Variants in NOC3L observed in about 807,000 individuals in gnomAD.
NOC3L encodes NOC3 like DNA replication regulator, also known as nucleolar complex protein 3 homolog.
In NOC3L, 85 loss-of-function variants were observed where a neutral mutation model predicts 102.5. The observed-to-expected ratio is 0.83, with a 90% CI of 0.70 to 0.99. NOC3L has a LOEUF of 0.99. Ranked by LOEUF, NOC3L falls within the 50% of genes least tolerant of loss-of-function variation. The probability of loss-of-function intolerance (pLI) is 0.00; values close to 1 mark genes in which losing one functional copy is unlikely to be tolerated. For synonymous variants in NOC3L, 303 were observed against 309.4 expected (o/e 0.98, Z 0.22); for missense variants, 878 against 914.9 (o/e 0.96, Z 0.52).
intron 7 of NOC3L, 123 bp from the exon 8 acceptor site, chr10:94,352,526 G>A (rs978826672): frequency 1.1e-5 from 7 of 662,664 alleles, no homozygotes; most frequent in East Asian, 8.3e-5. Flanking sequence ...AACAAAAAAC[G>A]CGGCAGTCGT....
rs917737764 is a variant in NOC3L at position 94,337,827 on chromosome 10, A to T, written c.2139T>A (p.Ala713=). The part of the protein sequence containing the change: ...IVQRFAAHLI[A]GAPSEGSGAL... ...CTCCAGAGCCTTCAGAAGGTGCTCC[A>T]GCGATCAGGTGGGCTGCAAATCTCT... is the stretch of plus-strand genomic sequence containing the variant. The change falls in exon 19 of 21, where the codon GCT becomes GCA. Residue 713 remains alanine (A), a synonymous_variant. Transcript: ENST00000371361. 1 of 1,614,078 alleles carries T rather than the reference A, an allele frequency of 6.2e-7. No individual in the cohort carries two copies. Among genetic ancestry groups the T allele is most frequent in the African/African-American group, 1.3e-5 (1 of 75,048 alleles).
chr10:94,355,061 T>C lies in NOC3L; in HGVS notation c.598A>G (p.Ile200Val), dbSNP rs372269619. The C allele has an allele frequency of 1.9e-5, 31 of 1,612,496 alleles. No homozygotes were observed. The highest frequency in any genetic ancestry group is 1.7e-4 in the Middle Eastern group (1 of 6,058). ...TTTCTCTCAATCAAATGTTCTTCTA[T>C]GGTCAGCTCTTGAATAGGATCTTCA... The part of the protein sequence containing the change: ...IIEDPIQELT[I>V]EEHLIERKKK... The change falls in exon 6 of 21, where the codon ATA becomes GTA. Residue 200 changes from isoleucine (I) to valine (V), a missense_variant. Ile to Val is a conservative substitution (Grantham distance 29, BLOSUM62 3). Coordinates refer to ENST00000371361, the MANE Select transcript of NOC3L (RefSeq NM_022451.11).
chr10:94,316,409 T>G, the NOC3L span: 1 of 653,846 alleles, frequency 1.5e-6, no homozygotes, highest in African/African-American at 1.8e-5. Flanking sequence ...AATTCTTAGA[T>G]CTTCCAAAAA....
chr10:94,350,077 T>G, intron 9 of NOC3L, 36 bp downstream of exon 9: 1 of 1,607,682 alleles, frequency 6.2e-7, no homozygotes, highest in Non-Finnish European at 8.5e-7. Context: ...TATAATTTTC[T>G]AAGGAGGACA....
the NOC3L span, among the ~76,000 whole-genome samples, chr10:94,319,864 C>CTTTTT: frequency 2.0e-3 from 184 of 92,914 alleles, 10 homozygotes; most frequent in African/African-American, 5.7e-3. Context: ...CAAAGGTGCT[C>CTTTTT]TTTTTTTTTT....
intron 18 of NOC3L, 57 bp from the exon 19 acceptor site, chr10:94,337,931 C>T (rs2054241744): frequency 8.0e-7 from 1 of 1,251,218 alleles, no homozygotes; most frequent in African/African-American, 1.5e-5. Flanking sequence ...ACAAAAAACA[C>T]TAGCCACAGC....
At position 94,346,504 on chromosome 10, in the gene NOC3L, T is replaced by A; in HGVS notation, c.1310A>T (p.Asp437Val). ...LRIKEVEVKK[D>V]TEDINKPKKF... is the part of the protein sequence containing the mutation. ...TTTTGGTTTATTAATGTCTTCTGTA[T>A]CTTTTTTCACTTCTACTTCCTTGAT... The change falls in exon 11 of 21, where the codon GAT becomes GTT. Residue 437 changes from aspartate to valine, a missense_variant. By Grantham distance (152) the Asp-to-Val change is radical. Coordinates refer to ENST00000371361, the MANE Select transcript of NOC3L (RefSeq NM_022451.11). 1 of 1,477,032 alleles carries A rather than the reference T, an allele frequency of 6.8e-7. No individual in the cohort carries two copies. The highest frequency in any genetic ancestry group is 9.1e-7 in the Non-Finnish European group (1 of 1,097,098). The allele number at this position is 1,477,032 out of a possible 1,614,324, so 91.5% of individuals were successfully genotyped here.
the NOC3L span, among the ~76,000 whole-genome samples, chr10:94,322,318 A>G: frequency 6.6e-6 from 1 of 151,740 alleles, no homozygotes; most frequent in Non-Finnish European, 1.5e-5. Flanking sequence ...TGGCCACTGC[A>G]CTGCAGCCTG....
rs2054466724 is a variant in NOC3L, at chr10:94,355,012, A to G, written c.647T>C (p.Met216Thr). ...ERKKKLQEKK[M>T]HIAALASAIL... is the part of the protein sequence containing the mutation. ...GGCAGATGCCAAGGCTGCAATATGCATCTTCTTCTCCTGTAATTTCTTCTT... is the reference window on the plus strand; with the variant it reads ...GGCAGATGCCAAGGCTGCAATATGCGTCTTCTTCTCCTGTAATTTCTTCTT... The change falls in exon 6 of 21, where the codon ATG (methionine) becomes ACG (threonine). Residue 216 changes from methionine (M) to threonine (T), a missense_variant. Physicochemically the swap from Met to Thr is moderately conservative, Grantham distance 81. Transcript: ENST00000371361. The G allele has an allele frequency of 1.2e-6, 2 of 1,613,190 alleles. No homozygotes were observed. The highest frequency in any genetic ancestry group is 8.5e-7 in the Non-Finnish European group (1 of 1,179,626).
chr10:94,332,835 T>G (rs1261888196), downstream of NOC3L: 3 of 152,340 alleles, frequency 2.0e-5, no homozygotes, highest in East Asian at 5.8e-4. Flanking sequence ...TGGTCACTTG[T>G]GCTCTGATGG....
chr10:94,339,662 G>A, intron 17 of NOC3L, 77 bp downstream of exon 17: 2 of 1,106,650 alleles, frequency 1.8e-6, no homozygotes, highest in Non-Finnish European at 2.6e-6. Context: ...TATAAAAGGG[G>A]GGAAAAGACA....
At chr10:94,362,155 A>C (rs564122357) in intron 1 of NOC3L, among the ~76,000 whole-genome samples, 1 of 152,338 alleles carries the variant, frequency 6.6e-6, no homozygotes, top group African/African-American at 2.4e-5. Context: ...ATTCAAGGCT[A>C]GTTTAACACA....
At chr10:94,320,371 A>G in the NOC3L span, among the ~76,000 whole-genome samples, 253 of 152,316 alleles carry the variant, frequency 1.7e-3, 2 homozygotes, top group Non-Finnish European at 2.4e-3. Flanking sequence ...TTAACAAAAA[A>G]TCATGTAATT....
At chr10:94,316,618 A>T in the NOC3L span, 2 of 1,608,224 alleles carry the variant, frequency 1.2e-6, no homozygotes, top group Non-Finnish European at 1.7e-6. Flanking sequence ...AATATTTTAT[A>T]TCTAAAGAAA....
chr10:94,315,429 C>T, the NOC3L span: 15 of 456,100 alleles, frequency 3.3e-5, no homozygotes, highest in South Asian at 2.3e-4. Flanking sequence ...CTGCAACTGA[C>T]CTTTACTCCC....
intron 9 of NOC3L, among the ~76,000 whole-genome samples, 197 bp downstream of exon 9, chr10:94,349,916 G>A (rs776596509): frequency 2.0e-5 from 3 of 151,992 alleles, no homozygotes; most frequent in East Asian, 1.9e-4. Context: ...CTGCCACCAC[G>A]CCCTGCTAAT....
At chr10:94,342,950 T>C (rs1489071275) in intron 13 of NOC3L, among the ~76,000 whole-genome samples, 4 of 152,136 alleles carry the variant, frequency 2.6e-5, no homozygotes, top group African/African-American at 9.6e-5. Flanking sequence ...CCAGGTGTGA[T>C]GGCACATGCC....
At chr10:94,329,481 G>A (rs988166462), downstream of NOC3L, 2 of 152,106 alleles carry the variant, frequency 1.3e-5, no homozygotes, top group Non-Finnish European at 2.9e-5. Flanking sequence ...AAAAACAGAA[G>A]TGTTAAAAAT....
chr10:94,337,161 T>C (rs2054229153), intron 19 of NOC3L, among the ~76,000 whole-genome samples: 1 of 152,098 alleles, frequency 6.6e-6, no homozygotes, highest in Non-Finnish European at 1.5e-5. Flanking sequence ...AAGACTCTTT[T>C]AGGAGGACCT....
Sources: allele counts gnomAD v4.1 joint callset (sites outside exome capture counted in the v4.1 genomes callset), GRCh38; gene constraint gnomAD v4.1.1; transcripts MANE v1.5; gene names NCBI Gene and HGNC (gene_info 2026-07-23, HGNC 2026-07-21).